WNK1: variants seen among roughly 807,000 people sequenced by gnomAD.
WNK1 encodes the protein serine/threonine-protein kinase WNK1.
WNK1 carries 38 observed loss-of-function variants against 222.8 expected under a neutral mutation model. The ratio of observed to expected loss-of-function variants is 0.17; its 90% confidence interval spans 0.13 to 0.22. The LOEUF (loss-of-function observed/expected upper bound fraction) is 0.22. WNK1 is among the 10% of genes least tolerant of loss of function. The pLI is 1.00. For missense variants in WNK1, 2,348 were observed against 2,918.4 expected, an observed-to-expected ratio of 0.80 and a Z score of 4.50; for synonymous variants, 1,090 against 1,092.9, an observed-to-expected ratio of 1.00 and a Z score of 0.05.
chr12:814,827 T>C (rs1947210384), intron 2 of WNK1, among the ~76,000 whole-genome samples: 1 of 152,210 alleles, frequency 6.6e-6, no homozygotes, highest in African/African-American at 2.4e-5. Context: ...CATTAAAATA[T>C]ATAATGAAAT....
At chr12:890,214 A>G (rs1954087395) in intron 21 of WNK1, among the ~76,000 whole-genome samples, 1 of 151,836 alleles carries the variant, frequency 6.6e-6, no homozygotes, top group Non-Finnish European at 1.5e-5. Flanking sequence ...TGACCTCCCA[A>G]AATGCTGGGA....
intron 1 of WNK1, among the ~76,000 whole-genome samples, chr12:799,843 C>G (rs1158594648): frequency 2.0e-5 from 3 of 152,100 alleles, no homozygotes; most frequent in East Asian, 1.9e-4. Flanking sequence ...TGCCACCACA[C>G]GTGCCTACTT....
In WNK1 at chr12:908,802, CATT is replaced by C; in HGVS notation, c.*12_*14del. The C allele has an allele frequency of 1.5e-6, 2 of 1,331,868 alleles. No individual in the cohort carries two copies. The highest frequency in any genetic ancestry group is 2.0e-6 in the Non-Finnish European group (2 of 1,008,930). The allele number at this position is 1,331,868 out of a possible 1,614,324, so 82.5% of individuals were successfully genotyped here. ...CCTGCGGACCACTTAGACCTAGAGA[CATT>C]AACTGAATAGATCTGGGGGCAGGAG... On this transcript the variant is annotated 3_prime_UTR_variant, in exon 28 of 28. Coordinates refer to ENST00000315939, the MANE Select transcript of WNK1 (RefSeq NM_018979.4).
chr12:868,401 C>G (rs1332041478), intron 8 of WNK1: 1 of 1,613,944 alleles, frequency 6.2e-7, no homozygotes, highest in Admixed American at 1.7e-5. Flanking sequence ...CAAGGGGGCC[C>G]TACTTCAAGT....
intron 1 of WNK1, among the ~76,000 whole-genome samples, chr12:758,287 A>G (rs1940478380): frequency 7.0e-6 from 1 of 143,800 alleles, no homozygotes; most frequent in Non-Finnish European, 1.5e-5. Context: ...CATGACATTA[A>G]TATTTTGTGA....
chr12:773,190 G>C (rs536085745), intron 1 of WNK1, among the ~76,000 whole-genome samples: 1 of 152,102 alleles, frequency 6.6e-6, no homozygotes, highest in Admixed American at 6.5e-5. Context: ...CCCGGGAGGC[G>C]GAGGTTGCGG....
In WNK1 at chr12:892,816, A is replaced by G. The variant is rs79485948; in HGVS notation, c.5510-1746A>G. Among the ~76,000 whole-genome samples the G allele has an allele frequency of 4.2e-4, 64 of 152,322 alleles. No individual in the cohort carries two copies. The East Asian group carries it at 0.012, about 28-fold the overall frequency. Reference sequence around the variant, plus strand: ...TCATTGGTAAATTCAGGGGTCTAATAGCCACCAGTGACTTGGTACAGCCTC... The same window carrying G: ...TCATTGGTAAATTCAGGGGTCTAATGGCCACCAGTGACTTGGTACAGCCTC... On this transcript the variant is annotated intron_variant, in intron 22 of 27. Coordinates refer to ENST00000315939, the MANE Select transcript of WNK1 (RefSeq NM_018979.4).
At position 762,064 on chromosome 12, in the gene WNK1, T is replaced by A. The variant is rs1298128577; in HGVS notation, c.759+7740T>A. ...TGTATAGTTTATTTTTTAATTTAAT[T>A]TTTTTTTTTTTTTGAGGCTGAGTCT... is the stretch of plus-strand genomic sequence containing the variant. On this transcript the variant is annotated intron_variant, in intron 1 of 27. Coordinates refer to ENST00000315939, the MANE Select transcript of WNK1 (RefSeq NM_018979.4). 3.0e-4 allele frequency among the ~76,000 whole-genome samples: 6 copies of A among 20,138 alleles called. 1 individual carries two copies. The highest frequency in any genetic ancestry group is 0.013 in the East Asian group (2 of 156). 13.2% of individuals were successfully genotyped at this position (20,138 alleles called of 152,430 possible).
In WNK1 at chr12:867,935, A is replaced by G. The variant is rs751787202; in HGVS notation, c.2140-3330A>G. 4 of 1,613,950 alleles carry G rather than the reference A, an allele frequency of 2.5e-6. No homozygotes were observed. Among genetic ancestry groups the G allele is most frequent in the Non-Finnish European group, 3.4e-6 (4 of 1,179,874 alleles). On this transcript the variant is annotated intron_variant, in intron 8 of 27. Coordinates refer to ENST00000315939, the MANE Select transcript of WNK1 (RefSeq NM_018979.4). ...AGAATCACAGATATTTTTCCCAACT[A>G]TTCATGAACGTCCAGTTTCTTTTTC...
intron 1 of WNK1, among the ~76,000 whole-genome samples, chr12:781,412 ATATAGTGGC>A (rs72647398): frequency 0.043 from 6,482 of 152,280 alleles, 248 homozygotes; most frequent in Admixed American, 0.11. Context: ...CAAAATGAAA[ATATAGTGGC>A]TATATGAATT....
intron 9 of WNK1, among the ~76,000 whole-genome samples, chr12:877,648 TA>T (rs61600123): frequency 6.6e-6 from 1 of 152,350 alleles, no homozygotes; most frequent in African/African-American, 2.4e-5. Context: ...ATAAGCAATC[TA>T]AGGCATTAAC....
intron 8 of WNK1, among the ~76,000 whole-genome samples, chr12:863,945 T>C (rs1951412966): frequency 6.6e-6 from 1 of 152,042 alleles, no homozygotes; most frequent in Non-Finnish European, 1.5e-5. Context: ...GGGCCACAGA[T>C]TTGGCCCAAA....
intron 1 of WNK1, among the ~76,000 whole-genome samples, chr12:767,424 T>C (rs1591606787): frequency 1.3e-5 from 2 of 151,898 alleles, no homozygotes; most frequent in South Asian, 2.1e-4. Context: ...GGCTAATTTT[T>C]GTATTTTTAG....
At chr12:783,369 G>T (rs1241812536) in intron 1 of WNK1, among the ~76,000 whole-genome samples, 1 of 152,098 alleles carries the variant, frequency 6.6e-6, no homozygotes, top group East Asian at 1.9e-4. Context: ...CATACTTGGG[G>T]CTGGGCGTGG....
rs556259173 is a variant in WNK1 at position 865,132 on chromosome 12, C to T, written c.2139+2862C>T. On this transcript the variant is annotated intron_variant, in intron 8 of 27. Coordinates refer to ENST00000315939, the MANE Select transcript of WNK1 (RefSeq NM_018979.4). Reference sequence around the variant, plus strand: ...GAGCCTCGTCGTGGCCGTAGCATGTCGGTTTGTGTTCCCATCTTTCTGCTG... The same window carrying T: ...GAGCCTCGTCGTGGCCGTAGCATGTTGGTTTGTGTTCCCATCTTTCTGCTG... 14 of 1,514,934 alleles carry T rather than the reference C, an allele frequency of 9.2e-6. No homozygotes were observed. The highest frequency in any genetic ancestry group is 2.5e-5 in the East Asian group (1 of 40,594). 93.8% of individuals were successfully genotyped at this position (1,514,934 alleles called of 1,614,324 possible).
Position 884,553 on chromosome 12 carries a change from C to T in WNK1, c.3845-96C>T. On this transcript the variant is annotated intron_variant, in intron 18 of 27. Transcript: ENST00000315939. This position sits in a 1 kb window ranked among gnomAD's most constrained non-coding sequence, Gnocchi z 5.6. ...ATTACTCCATATTTTTTATCAAAAACAGATATTTATAGGAGCTGACTTAGG... is the reference window on the plus strand; with the variant it reads ...ATTACTCCATATTTTTTATCAAAAATAGATATTTATAGGAGCTGACTTAGG... 3.1e-6 allele frequency: 4 copies of T among 1,281,454 alleles called. No individual in the cohort carries two copies. In the South Asian group the frequency reaches 3.7e-5, roughly 12 times the overall value. The allele number at this position is 1,281,454 out of a possible 1,614,324, so 79.4% of individuals were successfully genotyped here.
intron 26 of WNK1, among the ~76,000 whole-genome samples, chr12:902,830 A>G (rs1316797310): frequency 1.3e-5 from 2 of 152,390 alleles, no homozygotes; most frequent in East Asian, 3.9e-4. Flanking sequence ...CAGGTAGTCA[A>G]TAACTGTTCG....
At chr12:894,491 T>G (rs1353269365) in intron 22 of WNK1, 71 bp from the exon 23 acceptor site, 1 of 1,346,864 alleles carries the variant, frequency 7.4e-7, no homozygotes, top group African/African-American at 1.4e-5. Flanking sequence ...TTGCTGTATT[T>G]CTAGCTAAAG....
intron 1 of WNK1, among the ~76,000 whole-genome samples, chr12:776,412 T>TTGTGTGTGTGTGTG (rs59148357): frequency 0.023 from 3,431 of 146,178 alleles, 75 homozygotes; most frequent in East Asian, 0.082. Context: ...GTTTGTGTGT[T>TTGTGTGTGTGTGTG]TGTGTGTGTG....
Sources: allele counts gnomAD v4.1 joint callset (sites outside exome capture counted in the v4.1 genomes callset), GRCh38; gene constraint gnomAD v4.1.1; non-coding constraint Gnocchi (gnomAD v3.1); transcripts MANE v1.5; gene names NCBI Gene and HGNC (gene_info 2026-07-23, HGNC 2026-07-21).